Variants in CASK observed in about 807,000 individuals in gnomAD.
CASK encodes the protein calcium/calmodulin dependent serine protein kinase, also known as peripheral plasma membrane protein CASK.
CASK carries 4 observed loss-of-function variants against 82.9 expected under a neutral mutation model. That is an observed-to-expected ratio of 0.05 (90% CI 0.02 to 0.11). CASK has a LOEUF of 0.11. Ranked by LOEUF, CASK falls within the 10% of genes least tolerant of loss-of-function variation. The pLI, the probability that CASK is intolerant of heterozygous loss-of-function variation, is 1.00. For missense variants in CASK, 358 were observed against 720.9 expected (o/e 0.50, Z 5.76); for synonymous variants, 259 against 253.5 (o/e 1.02, Z -0.20).
chrX:41,785,138 C>T (rs1247054740), intron 3 of CASK, among the ~76,000 whole-genome samples: 1 of 106,588 alleles, frequency 9.4e-6, no homozygotes, highest in Non-Finnish European at 1.9e-5. Context: ...TCCCAAGTAA[C>T]TGGGACTACA....
intron 19 of CASK, among the ~76,000 whole-genome samples, chrX:41,556,428 A>C (rs1467531673): frequency 8.9e-6 from 1 of 112,251 alleles, no homozygotes; most frequent in Non-Finnish European, 1.9e-5. Context: ...AGTTCAAGTC[A>C]AATATAAAGT....
intron 5 of CASK, among the ~76,000 whole-genome samples, chrX:41,708,516 A>G (rs903980753): frequency 1.8e-5 from 2 of 112,423 alleles, no homozygotes; most frequent in African/African-American, 6.5e-5. Flanking sequence ...TCCCTAAAGG[A>G]CATACCCTAT....
At chrX:41,722,755 T>C (rs1225356697) in intron 5 of CASK, among the ~76,000 whole-genome samples, 1 of 112,540 alleles carries the variant, frequency 8.9e-6, no homozygotes, top group African/African-American at 3.2e-5. Flanking sequence ...TATCATTTAC[T>C]GAGTTTGGAG....
chrX:41,835,278 A>G (rs1428285015), intron 2 of CASK, among the ~76,000 whole-genome samples: 2 of 111,826 alleles, frequency 1.8e-5, no homozygotes, highest in African/African-American at 6.5e-5. Context: ...GGTCTTGAAC[A>G]CCTGACCTCA....
chrX:41,790,865 A>G (rs1452732653), intron 2 of CASK, among the ~76,000 whole-genome samples: 2 of 112,414 alleles, frequency 1.8e-5, no homozygotes, highest in African/African-American at 3.2e-5. Context: ...AATTAAAGAT[A>G]TATGTATTAA....
rs182788800 is a variant in CASK, at chrX:41,717,664, T to C, written c.429+21720A>G. ...CCGAGAGCACTCTGACAAGACTGAA[T>C]GGAAGCCTGCAAACCTGAGTGGCCT... is the stretch of plus-strand genomic sequence containing the variant. On this transcript the variant is annotated intron_variant, in intron 5 of 26. Transcript: ENST00000378163. Among the ~76,000 whole-genome samples, 89 of 112,087 alleles carry C rather than the reference T, an allele frequency of 7.9e-4. 3 individuals are homozygous for C. The highest frequency in any genetic ancestry group is 6.2e-4 in the Non-Finnish European group (33 of 53,213).
intron 15 of CASK, among the ~76,000 whole-genome samples, chrX:41,575,974 TTTC>T (rs1312315241): frequency 1.8e-5 from 2 of 109,711 alleles, no homozygotes; most frequent in Middle Eastern, 4.3e-3. Flanking sequence ...TTTCTTTTCT[TTTC>T]TTTTCTTTTT....
intron 22 of CASK, among the ~76,000 whole-genome samples, chrX:41,535,807 C>T (rs1340618878): frequency 8.9e-6 from 1 of 111,890 alleles, no homozygotes; most frequent in East Asian, 2.8e-4. Flanking sequence ...CTGAAACCTG[C>T]CTCTTAACAC....
chrX:41,762,906 A>T (rs762645216), intron 3 of CASK, among the ~76,000 whole-genome samples: 39 of 110,940 alleles, frequency 3.5e-4, no homozygotes, highest in Non-Finnish European at 5.8e-4. Flanking sequence ...TTTGCCATCT[A>T]TATTCTATTA....
chrX:41,680,540 G>C (rs2067335876), intron 5 of CASK, among the ~76,000 whole-genome samples: 1 of 109,542 alleles, frequency 9.1e-6, no homozygotes, highest in Non-Finnish European at 1.9e-5. Flanking sequence ...CCATGATGTG[G>C]GTACTAGGCA....
intron 2 of CASK, among the ~76,000 whole-genome samples, chrX:41,823,802 A>G (rs1431969871): frequency 9.0e-6 from 1 of 110,827 alleles, no homozygotes; most frequent in Non-Finnish European, 1.9e-5. Flanking sequence ...ATCATTCCTC[A>G]TGACCATTTT....
At chrX:41,826,734 C>T (rs1316510779) in intron 2 of CASK, among the ~76,000 whole-genome samples, 2 of 111,965 alleles carry the variant, frequency 1.8e-5, no homozygotes, top group Non-Finnish European at 3.8e-5. Flanking sequence ...ACCTCGACTT[C>T]CCAAAGTGCT....
intron 2 of CASK, among the ~76,000 whole-genome samples, chrX:41,809,455 C>T (rs190239210): frequency 1.6e-3 from 175 of 112,290 alleles, no homozygotes; most frequent in Non-Finnish European, 2.4e-3. Context: ...CTGCAGCCTC[C>T]GCAGCTGATA....
intron 5 of CASK, chrX:41,728,863 T>G (rs2068316026): frequency 8.0e-6 from 1 of 124,227 alleles, no homozygotes; most frequent in Non-Finnish European, 1.9e-5. Flanking sequence ...AAACATATTA[T>G]TTATTTGAAA....
At chrX:41,779,854 AT>A (rs1354095739) in intron 3 of CASK, among the ~76,000 whole-genome samples, 127 of 111,135 alleles carry the variant, frequency 1.1e-3, no homozygotes, top group African/African-American at 3.1e-3. Flanking sequence ...CCAAAAAAAA[AT>A]AATAATAAAA....
intron 1 of CASK, among the ~76,000 whole-genome samples, chrX:41,917,208 G>A (rs1180251738): frequency 8.9e-6 from 1 of 111,888 alleles, no homozygotes; most frequent in Non-Finnish European, 1.9e-5. Context: ...CCATGGAACC[G>A]CGTTGGAATC....
At chrX:41,858,870 G>A (rs185338986) in intron 1 of CASK, among the ~76,000 whole-genome samples, 1 of 111,119 alleles carries the variant, frequency 9.0e-6, no homozygotes, top group East Asian at 2.8e-4. Flanking sequence ...CAGGATAGTG[G>A]TTTGAGGGGG....
intron 11 of CASK, among the ~76,000 whole-genome samples, chrX:41,613,372 C>T (rs1340498177): frequency 1.0e-5 from 1 of 100,094 alleles, no homozygotes; most frequent in Non-Finnish European, 2.0e-5. Context: ...TGTGTCCACT[C>T]AGGGTTAAAT....
At chrX:41,645,505 C>G (rs2066742345) in intron 8 of CASK, among the ~76,000 whole-genome samples, 1 of 110,994 alleles carries the variant, frequency 9.0e-6, no homozygotes, top group Non-Finnish European at 1.9e-5. Context: ...TGAATACTGA[C>G]AATCAAAACC....
Sources: gnomAD v4.1 joint callset for allele counts (sites outside exome capture counted in the v4.1 genomes callset) on GRCh38, gnomAD v4.1.1 for gene constraint, MANE v1.5 for transcripts, NCBI Gene and HGNC (gene_info 2026-07-23, HGNC 2026-07-21) for gene names.